TRIM23: variants seen among roughly 807,000 people sequenced by gnomAD.
TRIM23 encodes the protein tripartite motif containing 23, also known as E3 ubiquitin-protein ligase TRIM23.
In TRIM23, 27 loss-of-function variants were observed where a neutral mutation model predicts 71.0. The observed-to-expected ratio is 0.38, with a 90% CI of 0.28 to 0.52. The LOEUF (loss-of-function observed/expected upper bound fraction) is 0.52. Ranked by LOEUF, TRIM23 falls within the 20% of genes least tolerant of loss-of-function variation. The pLI is 0.84. For missense variants in TRIM23, 482 were observed against 692.3 expected, an observed-to-expected ratio of 0.70 and a Z score of 3.41; for synonymous variants, 234 against 238.0, an observed-to-expected ratio of 0.98 and a Z score of 0.16.
chr5:65,616,138 G>C (rs893170568), intron 2 of TRIM23, among the ~76,000 whole-genome samples: 1 of 152,208 alleles, frequency 6.6e-6, no homozygotes, highest in African/African-American at 2.4e-5. Flanking sequence ...CATATGAGCA[G>C]AAGAAAATCA....
chr5:65,605,402 C>T (rs1207030466), intron 6 of TRIM23, among the ~76,000 whole-genome samples: 2 of 151,984 alleles, frequency 1.3e-5, no homozygotes, highest in South Asian at 2.1e-4. Flanking sequence ...TTAAGATATA[C>T]ATTAGAAGTC....
intron 8 of TRIM23, 109 bp downstream of exon 8, chr5:65,596,942 G>C: frequency 7.3e-7 from 1 of 1,369,204 alleles, no homozygotes; most frequent in Non-Finnish European, 9.9e-7. Flanking sequence ...ATATCTTAGA[G>C]CCAGAAAAGA....
intron 1 of TRIM23, among the ~76,000 whole-genome samples, chr5:65,620,311 T>C (rs1754896633): frequency 2.0e-5 from 3 of 152,172 alleles, no homozygotes; most frequent in African/African-American, 7.2e-5. Flanking sequence ...TTGCAGGAAT[T>C]TATCCTACAA....
chr5:65,607,449 A>C (rs932719291), intron 6 of TRIM23, among the ~76,000 whole-genome samples: 3 of 152,108 alleles, frequency 2.0e-5, no homozygotes, highest in African/African-American at 4.8e-5. Flanking sequence ...TGATGGTTTT[A>C]AAGTGTGGCA....
In TRIM23 at chr5:65,591,643, CTT is replaced by C; in HGVS notation, c.*124_*125del. On this transcript the variant is annotated 3_prime_UTR_variant, in exon 11 of 11. Transcript: ENST00000231524. Reference sequence around the variant, plus strand: ...GTACTGAATTCCCAATCCAAGATTCCTTTATATATATATATATATATATGCAT... The same window carrying C: ...GTACTGAATTCCCAATCCAAGATTCCTATATATATATATATATATATGCAT... 1.5e-6 allele frequency: 1 copy of C among 659,700 alleles called. No homozygotes were observed. The highest frequency in any genetic ancestry group is 2.0e-6 in the Non-Finnish European group (1 of 510,508). The allele number at this position is 659,700 out of a possible 1,614,324, so 40.9% of individuals were successfully genotyped here. A position where few individuals can be genotyped will look rare whatever the true frequency, so the allele number is the denominator to read the frequency against.
intron 7 of TRIM23, among the ~76,000 whole-genome samples, chr5:65,600,088 C>G (rs1432896475): frequency 1.3e-5 from 2 of 152,022 alleles, no homozygotes; most frequent in African/African-American, 4.8e-5. Flanking sequence ...GTGCCACACA[C>G]TTTTAAACGA....
At chr5:65,619,854 A>G (rs1320701833) in intron 1 of TRIM23, among the ~76,000 whole-genome samples, 1 of 152,160 alleles carries the variant, frequency 6.6e-6, no homozygotes, top group East Asian at 1.9e-4. Flanking sequence ...GGCCGAGGCG[A>G]GTGGATCATC....
rs1391371657 is a variant in TRIM23 at position 65,597,071 on chromosome 5, A to G, written c.1289T>C (p.Met430Thr). Residue 430 changes from methionine to threonine, a missense_variant, in exon 8 of 11, where the codon ATG (methionine) becomes ACG (threonine). Transcript: ENST00000231524. ...ILFKLKQDEF[M>T]QPIPTIGFNV... is the part of the protein sequence containing the mutation. ...CTTACCAATTGTTGGAATGGGCTGC[A>G]TGAATTCATCCTGTTTTAACTTAAA... 5 of 1,614,158 alleles carry G rather than the reference A, an allele frequency of 3.1e-6. No homozygotes were observed. The highest frequency in any genetic ancestry group is 4.2e-6 in the Non-Finnish European group (5 of 1,180,012).
At chr5:65,600,976 A>C (rs154860) in intron 7 of TRIM23, among the ~76,000 whole-genome samples, 37,770 of 152,208 alleles carry the variant, frequency 0.25, 4,998 homozygotes, top group Non-Finnish European at 0.3. Context: ...GCTACTATCC[A>C]AAAACAGAAA....
chr5:65,600,588 T>C (rs2150626020), intron 7 of TRIM23, among the ~76,000 whole-genome samples: 1 of 146,578 alleles, frequency 6.8e-6, no homozygotes, highest in East Asian at 2.0e-4. Context: ...ACATTGCATT[T>C]GAGAGTGACT....
At chr5:65,605,893 C>G (rs1233079707) in intron 6 of TRIM23, among the ~76,000 whole-genome samples, 1 of 152,122 alleles carries the variant, frequency 6.6e-6, no homozygotes, top group Non-Finnish European at 1.5e-5. Flanking sequence ...TTCTCTTTCC[C>G]GCATGCCCTA....
Position 65,591,720 on chromosome 5 carries a change from G to T in TRIM23, c.*49C>A. On this transcript the variant is annotated 3_prime_UTR_variant, in exon 11 of 11. Transcript: ENST00000231524. The stretch of plus-strand genomic sequence containing the variant: ...TATAATTTCTTAAAACATACTATGT[G>T]CAAAGTTACTTTTAACCACAAAACT... 1 of 1,558,512 alleles carries T rather than the reference G, an allele frequency of 6.4e-7. No individual in the cohort carries two copies. Among genetic ancestry groups the T allele is most frequent in the Non-Finnish European group, 8.7e-7 (1 of 1,149,086 alleles).
chr5:65,624,063 G>C, intron 1 of TRIM23, 131 bp downstream of exon 1: 1 of 1,014,642 alleles, frequency 9.9e-7, no homozygotes, highest in East Asian at 2.6e-5. Flanking sequence ...GACGAGACTT[G>C]TAATGCCAAA....
intron 7 of TRIM23, 67 bp from the exon 8 acceptor site, chr5:65,597,247 ATT>A: frequency 6.7e-7 from 1 of 1,499,208 alleles, no homozygotes; most frequent in East Asian, 2.3e-5. Flanking sequence ...TAGCACCTTT[ATT>A]ATTTCTACAT....
At position 65,611,832 on chromosome 5, in the gene TRIM23, C is replaced by T; in HGVS notation, c.416G>A (p.Cys139Tyr). ...EDEAHLASVY[C>Y]TVCATHLCSE... ...GCACAAATGAGTTGCACACACAGTG[C>T]AATATACAGAGGCAAGGTGAGCTTC... Residue 139 changes from cysteine (C) to tyrosine (Y), a missense_variant, in exon 4 of 11, where the codon TGC (cysteine) becomes TAC (tyrosine). By Grantham distance (194) the Cys-to-Tyr change is radical (BLOSUM62 -2). Coordinates refer to ENST00000231524, the MANE Select transcript of TRIM23 (RefSeq NM_001656.4). 6.2e-7 allele frequency: 1 copy of T among 1,614,108 alleles called. No homozygotes were observed. Among genetic ancestry groups the T allele is most frequent in the South Asian group, 1.1e-5 (1 of 91,076 alleles).
intron 1 of TRIM23, 103 bp downstream of exon 1, chr5:65,624,091 G>C: frequency 7.3e-7 from 1 of 1,374,866 alleles, no homozygotes; most frequent in Non-Finnish European, 1.0e-6. Context: ...CAGAGGCCGC[G>C]CATCCCACCT....
At chr5:65,609,202 A>C in intron 6 of TRIM23, 41 bp downstream of exon 6, 1 of 1,595,800 alleles carries the variant, frequency 6.3e-7, no homozygotes, top group Non-Finnish European at 8.6e-7. Context: ...TTATCTACTT[A>C]AACTTACAAC....
At position 65,590,564 on chromosome 5, in the gene TRIM23, C is replaced by T; in HGVS notation, c.*1205G>A. On this transcript the variant is annotated 3_prime_UTR_variant, in exon 11 of 11. Coordinates refer to ENST00000231524, the MANE Select transcript of TRIM23 (RefSeq NM_001656.4). The stretch of plus-strand genomic sequence containing the variant: ...CAGAACATTAAAAAAAAAAAAGTCT[C>T]AATGTACCTATTTAAATAAATCGTG... The T allele has an allele frequency of 9.5e-6, 10 of 1,048,408 alleles. No individual in the cohort carries two copies. The highest frequency in any genetic ancestry group is 1.1e-5 in the Non-Finnish European group (9 of 856,790). The allele number at this position is 1,048,408 out of a possible 1,614,324, so 64.9% of individuals were successfully genotyped here.
chr5:65,617,692 CATGGTGAGACTCAA>C (rs1390981659), intron 2 of TRIM23, among the ~76,000 whole-genome samples: 2 of 152,110 alleles, frequency 1.3e-5, no homozygotes, highest in African/African-American at 4.8e-5. Context: ...TAAATAAAAA[CATGGTGAGACTCAA>C]ATGACTTATC....
Sources: allele counts gnomAD v4.1 joint callset (sites outside exome capture counted in the v4.1 genomes callset), GRCh38; gene constraint gnomAD v4.1.1; transcripts MANE v1.5; gene names NCBI Gene and HGNC (gene_info 2026-07-23, HGNC 2026-07-21).